The following LRP2 variants were observed in gnomAD, a reference collection of about 807,000 sequenced individuals.
LRP2 encodes low-density lipoprotein receptor-related protein 2.
A neutral mutation model predicts 531.0 loss-of-function variants in LRP2; 172 were observed. The observed-to-expected ratio is 0.32, with a 90% CI of 0.29 to 0.37. The LOEUF is 0.37. Among genes scored for constraint, LRP2 ranks in the 10% least tolerant of loss-of-function variants. The pLI is 1.00. For synonymous variants in LRP2, 1,992 were observed against 2,027.6 expected, an observed-to-expected ratio of 0.98 and a Z score of 0.47; for missense variants, 5,167 against 5,868.3, an observed-to-expected ratio of 0.88 and a Z score of 3.90.
chr2:169,212,354 T>G (rs1007377266), intron 36 of LRP2, 147 bp from the exon 37 acceptor site: 1 of 949,758 alleles, frequency 1.1e-6, no homozygotes, highest in African/African-American at 1.6e-5. Context: ...AAAAACAACA[T>G]CGGAGAGACT....
chr2:169,134,996 C>T (rs1326954545), intron 76 of LRP2, among the ~76,000 whole-genome samples: 1 of 152,176 alleles, frequency 6.6e-6, no homozygotes, highest in Non-Finnish European at 1.5e-5. Flanking sequence ...CCCACCTAGT[C>T]CCCCGCTGAA....
chr2:169,358,609 T>C (rs530858863), intron 1 of LRP2, among the ~76,000 whole-genome samples: 6 of 152,320 alleles, frequency 3.9e-5, no homozygotes, highest in African/African-American at 1.2e-4. Flanking sequence ...CACAATCCTT[T>C]TAAACATATA....
In LRP2 at chr2:169,204,123, C is replaced by T; in HGVS notation, c.7864G>A (p.Asp2622Asn). ...GTCATTGCAATCTGACCTGACCCGT[C>T]ATATTTGTTAGCTCGGTAAATTCTT... ...TQRIYRANKY[D>N]GSGQIAMTTN... The change falls in exon 42 of 79, where the codon GAC (aspartate) becomes AAC (asparagine). Residue 2622 changes from aspartate (D) to asparagine (N), a missense_variant. By Grantham distance (23) the Asp-to-Asn change is conservative (BLOSUM62 1). This residue lies in a region of LRP2 where 1,129 missense variants were observed against 1,362.7 expected (regional missense o/e 0.83). Transcript: ENST00000649046. 3.1e-6 allele frequency: 5 copies of T among 1,614,176 alleles called. No individual in the cohort carries two copies. The highest frequency in any genetic ancestry group is 4.2e-6 in the Non-Finnish European group (5 of 1,180,034).
chr2:169,239,240 GAACTCATTT>G (rs1689717410), intron 26 of LRP2, among the ~76,000 whole-genome samples: 1 of 152,014 alleles, frequency 6.6e-6, no homozygotes, highest in East Asian at 1.9e-4. Flanking sequence ...ATATAGTATA[GAACTCATTT>G]TAAATTATAT....
chr2:169,178,007 G>T lies in LRP2; in HGVS notation c.10189C>A (p.His3397Asn). 1 of 1,613,656 alleles carries T rather than the reference G, an allele frequency of 6.2e-7. No individual in the cohort carries two copies. Among genetic ancestry groups the T allele is most frequent in the Non-Finnish European group, 8.5e-7 (1 of 1,179,930 alleles). Residue 3397 changes from histidine to asparagine, a missense_variant, in exon 53 of 79, where the codon CAC (histidine) becomes AAC (asparagine). Around this residue, in one of 6 missense-constraint regions of LRP2, gnomAD observed 1,129 missense variants for 1,362.7 expected, o/e 0.83. Coordinates refer to ENST00000649046, the MANE Select transcript of LRP2 (RefSeq NM_004525.3). ...CCATCATACACCGTGTGTCGATGGT[G>T]GCCCTCCAAATCAGAGTACCTGCAG... ...GYIEYSDLEG[H>N]HRHTVYDGAL...
At chr2:169,278,204 G>C (rs1396881674) in intron 12 of LRP2, among the ~76,000 whole-genome samples, 1 of 152,002 alleles carries the variant, frequency 6.6e-6, no homozygotes, top group Admixed American at 6.6e-5. Context: ...TATTCAGCCA[G>C]CCAGGCACAG....
intron 1 of LRP2, among the ~76,000 whole-genome samples, chr2:169,341,998 G>A (rs1165813049): frequency 6.6e-6 from 1 of 152,042 alleles, no homozygotes; most frequent in African/African-American, 2.4e-5. Context: ...TATTGCAACG[G>A]TTTAGCATTC....
At chr2:169,326,609 C>A (rs1453660946) in intron 1 of LRP2, among the ~76,000 whole-genome samples, 2 of 152,164 alleles carry the variant, frequency 1.3e-5, no homozygotes, top group Non-Finnish European at 1.5e-5. Context: ...CCCAAAGTGC[C>A]GAGATTGCAG....
chr2:169,240,639 G>A, intron 25 of LRP2: 1 of 467,682 alleles, frequency 2.1e-6, no homozygotes, highest in Non-Finnish European at 3.8e-6. Context: ...TTTGTGATAA[G>A]TTCTGATTGA....
intron 16 of LRP2, among the ~76,000 whole-genome samples, chr2:169,269,924 C>A (rs573246697): frequency 2.6e-4 from 40 of 152,184 alleles, no homozygotes; most frequent in Non-Finnish European, 4.4e-5. Flanking sequence ...AATCAAACAA[C>A]CCCATCAAAA....
rs139566828 is a variant in LRP2 at position 169,202,770 on chromosome 2, A to G, written c.8195T>C (p.Met2732Thr). The change falls in exon 43 of 79, where the codon ATG (methionine) becomes ACG (threonine). Residue 2732 changes from methionine (M) to threonine (T), a missense_variant. Met to Thr is a moderately conservative substitution (Grantham distance 81). Around this residue, in one of 6 missense-constraint regions of LRP2, gnomAD observed 1,129 missense variants for 1,362.7 expected, o/e 0.83. Transcript: ENST00000649046. ...DNDCGDGSDE[M>T]ESVCALHTCS... ...GTCCAACTCACCACAGACACTTTCCATCTCATCACTGCCATCCCCACAGTC... is the reference window on the plus strand; with the variant it reads ...GTCCAACTCACCACAGACACTTTCCGTCTCATCACTGCCATCCCCACAGTC... 1.8e-5 allele frequency: 29 copies of G among 1,614,040 alleles called. No individual in the cohort carries two copies. The highest frequency in any genetic ancestry group is 2.2e-5 in the East Asian group (1 of 44,886).
At chr2:169,323,355 G>T (rs1684955315) in intron 1 of LRP2, among the ~76,000 whole-genome samples, 1 of 152,080 alleles carries the variant, frequency 6.6e-6, no homozygotes, top group Non-Finnish European at 1.5e-5. Context: ...ATCATTGCTG[G>T]GTGACCTCTC....
intron 1 of LRP2, among the ~76,000 whole-genome samples, chr2:169,327,236 G>A (rs1463100946): frequency 2.9e-4 from 34 of 118,200 alleles, no homozygotes; most frequent in African/African-American, 1.1e-3. Context: ...GGAGGTGGGG[G>A]GGTCAGCCCC....
chr2:169,201,869 T>C lies in LRP2; in HGVS notation c.8211A>G (p.Ala2737=), dbSNP rs1286810483. The C allele has an allele frequency of 6.2e-6, 10 of 1,613,934 alleles. No individual in the cohort carries two copies. The South Asian group carries it at 9.9e-5, about 16-fold the overall frequency. Residue 2737 remains alanine, a splice_region_variant and synonymous_variant, in exon 44 of 79, where the codon GCA becomes GCG. Transcript: ENST00000649046. Reference sequence around the variant, plus strand: ...AGGCTGTCGGTGAGCAGGTGTGAAGTGCTAAGAACAGGAAAAACATGAGAA... The same window carrying C: ...AGGCTGTCGGTGAGCAGGTGTGAAGCGCTAAGAACAGGAAAAACATGAGAA... ...DGSDEMESVC[A]LHTCSPTAFT...
At chr2:169,338,381 AAAGAAAGAAAGAAAGAAAGAAAG>A (rs1399058316) in intron 1 of LRP2, among the ~76,000 whole-genome samples, 14 of 126,942 alleles carry the variant, frequency 1.1e-4, no homozygotes, top group Non-Finnish European at 1.8e-4. Flanking sequence ...AGAAAGAAAG[AAAGAAAGAAAGAAAGAAAGAAAG>A]AAAGAAAAGA....
In LRP2 at chr2:169,251,743, G is replaced by A. The variant is rs1295650679; in HGVS notation, c.2771-4228C>T. ...GATCAACAAAATTGATAGACCGCTAGCAAGACTAATAAAGAAAGAAGAGAG... is the reference window on the plus strand; with the variant it reads ...GATCAACAAAATTGATAGACCGCTAACAAGACTAATAAAGAAAGAAGAGAG... On this transcript the variant is annotated intron_variant, in intron 19 of 78. Coordinates refer to ENST00000649046, the MANE Select transcript of LRP2 (RefSeq NM_004525.3). Among the ~76,000 whole-genome samples, 2 of 91,916 alleles carry A rather than the reference G, an allele frequency of 2.2e-5. 1 individual carries two copies. Among genetic ancestry groups the A allele is most frequent in the Non-Finnish European group, 4.0e-5 (2 of 49,906 alleles). 60.3% of individuals were successfully genotyped at this position (91,916 alleles called of 152,430 possible). A position where few individuals can be genotyped will look rare whatever the true frequency, so the allele number is the denominator to read the frequency against.
chr2:169,260,803 T>G (rs1690514939), intron 16 of LRP2, among the ~76,000 whole-genome samples: 1 of 151,320 alleles, frequency 6.6e-6, no homozygotes, highest in Admixed American at 6.6e-5. Flanking sequence ...GGAGGACCAA[T>G]GTTGAACAAC....
chr2:169,227,806 A>G (rs749571035), intron 31 of LRP2, among the ~76,000 whole-genome samples: 3 of 152,184 alleles, frequency 2.0e-5, no homozygotes, highest in Non-Finnish European at 4.4e-5. Context: ...TAAATTTCGC[A>G]ACTATTAATG....
chr2:169,320,605 AT>A (rs1684884673), intron 2 of LRP2, among the ~76,000 whole-genome samples, 171 bp downstream of exon 2: 4 of 152,172 alleles, frequency 2.6e-5, no homozygotes, highest in Non-Finnish European at 4.4e-5. Context: ...AGGGAGTGAA[AT>A]TATTGTTAAT....
Sources: gnomAD v4.1 joint callset for allele counts (sites outside exome capture counted in the v4.1 genomes callset) on GRCh38, gnomAD v4.1.1 for gene constraint, gnomAD v4.1.1 regional missense constraint, MANE v1.5 for transcripts, NCBI Gene and HGNC (gene_info 2026-07-23, HGNC 2026-07-21) for gene names.